Variants in GRK5 observed in about 807,000 individuals in gnomAD.
GRK5 encodes the protein G protein-coupled receptor kinase 5.
In GRK5, 40 loss-of-function variants were observed where a neutral mutation model predicts 78.4. That is an observed-to-expected ratio of 0.51 (90% CI 0.40 to 0.66). The LOEUF (loss-of-function observed/expected upper bound fraction) is 0.66. Among genes scored for constraint, GRK5 ranks in the 30% least tolerant of loss-of-function variants. The probability of loss-of-function intolerance (pLI) is 0.00; values close to 1 mark genes in which losing one functional copy is unlikely to be tolerated. For missense variants in GRK5, 598 were observed against 759.9 expected (o/e 0.79, Z 2.50); for synonymous variants, 289 against 296.8 (o/e 0.97, Z 0.27).
intron 1 of GRK5, among the ~76,000 whole-genome samples, chr10:119,309,997 A>G (rs1850332644): frequency 6.6e-6 from 1 of 152,112 alleles, no homozygotes; most frequent in African/African-American, 2.4e-5. Context: ...TGGAGCATGG[A>G]GGCCACAGCC....
chr10:119,209,410 G>A (rs187069259), intron 1 of GRK5, among the ~76,000 whole-genome samples: 113 of 151,780 alleles, frequency 7.4e-4, no homozygotes, highest in African/African-American at 2.4e-3. Context: ...CTTAGCTTTG[G>A]TGGGAATAAA....
At chr10:119,357,115 A>G (rs540891937) in intron 2 of GRK5, among the ~76,000 whole-genome samples, 6 of 152,394 alleles carry the variant, frequency 3.9e-5, no homozygotes, top group Admixed American at 2.0e-4. Context: ...AAGTGAAGTG[A>G]TGCCAGATGC....
At chr10:119,361,443 C>T (rs1165260562) in intron 2 of GRK5, among the ~76,000 whole-genome samples, 2 of 152,216 alleles carry the variant, frequency 1.3e-5, no homozygotes, top group South Asian at 2.1e-4. Flanking sequence ...GAACCTGCCG[C>T]GTAGTAGGCC....
intron 12 of GRK5, among the ~76,000 whole-genome samples, chr10:119,444,142 C>T (rs1163480020): frequency 6.6e-6 from 1 of 152,156 alleles, no homozygotes; most frequent in African/African-American, 2.4e-5. Context: ...CTGCTCCCTC[C>T]ACCTCTGGAT....
rs1188201118 is a variant in GRK5, at chr10:119,394,595, C to A, written c.262-2100C>A. Among the ~76,000 whole-genome samples the A allele has an allele frequency of 2.8e-3, 7 of 2,458 alleles. 1 individual carries two copies. The highest frequency in any genetic ancestry group is 8.5e-3 in the African/African-American group (6 of 702). The allele number at this position is 2,458 out of a possible 152,430, so 1.6% of individuals were successfully genotyped here. ...TGTGTGTCTGTGTGTGGGTGTGTGTCTGTGTGTGGGCACGTGTATGTTTGG... is the reference window on the plus strand; with the variant it reads ...TGTGTGTCTGTGTGTGGGTGTGTGTATGTGTGTGGGCACGTGTATGTTTGG... On this transcript the variant is annotated intron_variant, in intron 3 of 15. Coordinates refer to ENST00000392870, the MANE Select transcript of GRK5 (RefSeq NM_005308.3).
chr10:119,282,598 C>T (rs894203417), intron 1 of GRK5, among the ~76,000 whole-genome samples: 1 of 152,172 alleles, frequency 6.6e-6, no homozygotes, highest in Non-Finnish European at 1.5e-5. Context: ...GATGGACTAT[C>T]GAGCAGATGG....
At chr10:119,222,539 C>T (rs1269616165) in intron 1 of GRK5, among the ~76,000 whole-genome samples, 3 of 152,018 alleles carry the variant, frequency 2.0e-5, no homozygotes, top group African/African-American at 7.2e-5. Context: ...CTACGGTTCC[C>T]ACCTGAGAAT....
chr10:119,338,680 T>C (rs563822183), intron 2 of GRK5, among the ~76,000 whole-genome samples: 37 of 152,132 alleles, frequency 2.4e-4, no homozygotes, highest in Non-Finnish European at 4.9e-4. Context: ...TACTGGGCCA[T>C]TGGGAGCTCA....
chr10:119,455,082 T>TC lies in GRK5; in HGVS notation c.*17dup. The TC allele has an allele frequency of 6.3e-7, 1 of 1,592,486 alleles. No individual in the cohort carries two copies. The highest frequency in any genetic ancestry group is 2.2e-5 in the East Asian group (1 of 44,778). ...GAAGCAGCTAGTTTCGGCTCTGGCC[T>TC]CCAAGTCCACAGTGGAACCAGCCCA... On this transcript the variant is annotated 3_prime_UTR_variant, in exon 16 of 16. Coordinates refer to ENST00000392870, the MANE Select transcript of GRK5 (RefSeq NM_005308.3).
At chr10:119,413,827 G>A (rs560248378) in intron 4 of GRK5, among the ~76,000 whole-genome samples, 3 of 152,284 alleles carry the variant, frequency 2.0e-5, no homozygotes, top group African/African-American at 4.8e-5. Flanking sequence ...CTGTTAGGCC[G>A]GCCCGTCCCT....
At chr10:119,268,044 C>T (rs1849529188) in intron 1 of GRK5, among the ~76,000 whole-genome samples, 1 of 152,144 alleles carries the variant, frequency 6.6e-6, no homozygotes, top group Non-Finnish European at 1.5e-5. Flanking sequence ...TTGGGACTTG[C>T]AGGGTGTGTC....
chr10:119,452,852 G>A lies in GRK5; in HGVS notation c.1542+44G>A. On this transcript the variant is annotated intron_variant, in intron 14 of 15. Coordinates refer to ENST00000392870, the MANE Select transcript of GRK5 (RefSeq NM_005308.3). This position sits in a 1 kb window ranked among gnomAD's most constrained non-coding sequence, Gnocchi z 4.4. ...TTGCTTTGGTCTGGGTGGGAGGGAGGGACTGACGGGTGGAAGGAGGCGTCG... is the reference window on the plus strand; with the variant it reads ...TTGCTTTGGTCTGGGTGGGAGGGAGAGACTGACGGGTGGAAGGAGGCGTCG... The A allele has an allele frequency of 4.4e-6, 6 of 1,359,812 alleles. No individual in the cohort carries two copies. Among genetic ancestry groups the A allele is most frequent in the Non-Finnish European group, 6.2e-6 (6 of 967,534 alleles). 84.2% of individuals were successfully genotyped at this position (1,359,812 alleles called of 1,614,324 possible).
rs1284868680 is a variant in GRK5, at chr10:119,304,887, CCCT to C, written c.53-21625_53-21623del. ...CTTAATGAGAGGTGTTTGGGCAACTCCCTCCTTCTGTCCCTCCCTCCCTTGCTC... is the reference window on the plus strand; with the variant it reads ...CTTAATGAGAGGTGTTTGGGCAACTCCCTTCTGTCCCTCCCTCCCTTGCTC... On this transcript the variant is annotated intron_variant, in intron 1 of 15. Transcript: ENST00000392870. Among the ~76,000 whole-genome samples, 79 of 152,062 alleles carry C rather than the reference CCCT, an allele frequency of 5.2e-4. 3 individuals are homozygous for C. The highest frequency in any genetic ancestry group is 2.1e-4 in the Non-Finnish European group (14 of 68,002).
intron 1 of GRK5, among the ~76,000 whole-genome samples, chr10:119,214,343 G>A (rs186174763): frequency 7.2e-5 from 11 of 152,274 alleles, no homozygotes; most frequent in Non-Finnish European, 4.4e-5. Context: ...GAAGAGCTGA[G>A]GCTGACTGGG....
chr10:119,386,113 G>A (rs1851789935), intron 3 of GRK5, among the ~76,000 whole-genome samples: 1 of 152,166 alleles, frequency 6.6e-6, no homozygotes, highest in Non-Finnish European at 1.5e-5. Flanking sequence ...TCAAATTCCT[G>A]GGCTCAAGTG....
chr10:119,210,603 T>TA (rs995907006), intron 1 of GRK5, among the ~76,000 whole-genome samples: 4 of 152,214 alleles, frequency 2.6e-5, no homozygotes, highest in Non-Finnish European at 4.4e-5. Context: ...AACAGTATAT[T>TA]AAAAAAATCT....
At chr10:119,451,185 G>A (rs1359066762) in intron 13 of GRK5, among the ~76,000 whole-genome samples, 3 of 149,714 alleles carry the variant, frequency 2.0e-5, no homozygotes, top group Non-Finnish European at 4.4e-5. Context: ...CGGGGCTGCT[G>A]CCACATTCCT....
rs946316059 is a variant in GRK5 at position 119,457,883 on chromosome 10, G to GA, written c.*2816_*2817insA. Reference sequence around the variant, plus strand: ...TAAAATTTTTTGTAGAGATGGGGGGGGGGTCTCCCCATGTTGCCCAGGCTG... The same window carrying GA: ...TAAAATTTTTTGTAGAGATGGGGGGGAGGGTCTCCCCATGTTGCCCAGGCTG... On this transcript the variant is annotated 3_prime_UTR_variant, in exon 16 of 16. Coordinates refer to ENST00000392870, the MANE Select transcript of GRK5 (RefSeq NM_005308.3). 1.1e-4 allele frequency: 17 copies of GA among 149,588 alleles called. No individual in the cohort carries two copies. The highest frequency in any genetic ancestry group is 2.4e-4 in the Non-Finnish European group (16 of 67,312). The allele number at this position is 149,588 out of a possible 1,614,324, so 9.3% of individuals were successfully genotyped here. A position where few individuals can be genotyped will look rare whatever the true frequency, so the allele number is the denominator to read the frequency against.
chr10:119,433,385 A>G (rs1478222638), intron 8 of GRK5, among the ~76,000 whole-genome samples: 1 of 152,154 alleles, frequency 6.6e-6, no homozygotes, highest in Non-Finnish European at 1.5e-5. Context: ...AGGGAAGAGG[A>G]TCATGTGATT....
Sources: allele counts gnomAD v4.1 joint callset (sites outside exome capture counted in the v4.1 genomes callset), GRCh38; gene constraint gnomAD v4.1.1; non-coding constraint Gnocchi (gnomAD v3.1); transcripts MANE v1.5; gene names NCBI Gene and HGNC (gene_info 2026-07-23, HGNC 2026-07-21).